The following MORN1 variants were observed in gnomAD, a reference collection of about 807,000 sequenced individuals.
MORN1 encodes MORN repeat-containing protein 1.
Under a neutral mutation model 61.9 loss-of-function variants are expected in MORN1, and 67 were observed. The observed-to-expected ratio is 1.08, with a 90% CI of 0.89 to 1.33. MORN1 has a LOEUF of 1.33. MORN1 is among the 40% of genes most tolerant of loss of function. MORN1 has a pLI of 0.00. For synonymous variants in MORN1, 301 were observed against 292.0 expected (o/e 1.03, Z -0.31); for missense variants, 752 against 691.2 (o/e 1.09, Z -0.99).
chr1:2,389,229 G>A (rs1299408346), intron 2 of MORN1, among the ~76,000 whole-genome samples: 2 of 152,226 alleles, frequency 1.3e-5, no homozygotes, highest in Non-Finnish European at 2.9e-5. Context: ...GCACTTGCCT[G>A]GGGTTGGTGG....
At chr1:2,346,511 G>A (rs1641518652) in intron 10 of MORN1, among the ~76,000 whole-genome samples, 1 of 152,154 alleles carries the variant, frequency 6.6e-6, no homozygotes, top group South Asian at 2.1e-4. Flanking sequence ...TCAGCCTCCT[G>A]AGTAGCTGGG....
chr1:2,348,665 A>AGGCACGCACACACACGCACGCG, intron 10 of MORN1, among the ~76,000 whole-genome samples: 1 of 136,752 alleles, frequency 7.3e-6, no homozygotes, highest in African/African-American at 2.5e-5. Context: ...ACACGCACGC[A>AGGCACGCACACACACGCACGCG]CACGCACACC....
At chr1:2,364,557 T>C (rs1281049140) in intron 8 of MORN1, among the ~76,000 whole-genome samples, 1 of 150,288 alleles carries the variant, frequency 6.7e-6, no homozygotes, top group East Asian at 1.9e-4. Flanking sequence ...AGAAGCTCTT[T>C]AGTTTAATTA....
chr1:2,340,583 A>T (rs1303030884), intron 10 of MORN1, among the ~76,000 whole-genome samples: 1 of 152,144 alleles, frequency 6.6e-6, no homozygotes, highest in Non-Finnish European at 1.5e-5. Flanking sequence ...GGCCTCCAGC[A>T]CCCCTGGTCC....
At chr1:2,361,712 T>C (rs1206798075) in intron 8 of MORN1, among the ~76,000 whole-genome samples, 4 of 152,214 alleles carry the variant, frequency 2.6e-5, no homozygotes, top group Admixed American at 2.6e-4. Context: ...GAAATGCAGT[T>C]GACCCTTGGC....
At chr1:2,336,260 T>C (rs1453312608) in intron 12 of MORN1, among the ~76,000 whole-genome samples, 1 of 152,148 alleles carries the variant, frequency 6.6e-6, no homozygotes, top group Admixed American at 6.5e-5. Flanking sequence ...ACCCACTTCA[T>C]GCCAGCCCAG....
intron 8 of MORN1, among the ~76,000 whole-genome samples, chr1:2,370,688 T>C (rs200388687): frequency 1.7e-5 from 2 of 115,916 alleles, no homozygotes; most frequent in African/African-American, 6.5e-5. Context: ...TTTTTTTTTT[T>C]TAAATGAGAC....
At chr1:2,365,771 A>C (rs576150834) in intron 8 of MORN1, among the ~76,000 whole-genome samples, 5 of 152,334 alleles carry the variant, frequency 3.3e-5, no homozygotes, top group African/African-American at 1.2e-4. Flanking sequence ...TCAAAACCAC[A>C]ATGAGATACC....
At chr1:2,387,312 T>C (rs569226027) in intron 4 of MORN1, 107 bp downstream of exon 4, 13 of 829,860 alleles carry the variant, frequency 1.6e-5, no homozygotes, top group African/African-American at 1.3e-4. Context: ...TCCAACCCTC[T>C]GAAGTCAGGC....
chr1:2,385,551 G>GT (rs1642475438), intron 5 of MORN1: 1 of 205,460 alleles, frequency 4.9e-6, no homozygotes, highest in African/African-American at 2.8e-5. Context: ...ATTTTAATCG[G>GT]GGGGGGGGGG....
intron 8 of MORN1, among the ~76,000 whole-genome samples, chr1:2,369,355 G>GAGA (rs1642066718): frequency 1.2e-5 from 1 of 80,654 alleles, no homozygotes; most frequent in Admixed American, 1.4e-4. Context: ...CTCAGTCTCA[G>GAGA]AAAAAAAAAA....
Position 2,357,406 on chromosome 1 carries a change from C to T in MORN1, c.1036+26G>A, listed in dbSNP as rs766255634. On this transcript the variant is annotated intron_variant, in intron 10 of 13. Coordinates refer to ENST00000378531, the MANE Select transcript of MORN1 (RefSeq NM_024848.3). The surrounding 1 kb of genome is among the most constrained non-coding windows in gnomAD (Gnocchi z 6.3). ...CTGCTGGGCCTGGGCCCACCCACCC[C>T]CAACTGGTTTGTGAGCTCCACTTAC... 1.2e-5 allele frequency: 19 copies of T among 1,568,914 alleles called. No individual in the cohort carries two copies. The highest frequency in any genetic ancestry group is 1.6e-5 in the Non-Finnish European group (18 of 1,156,176).
Position 2,336,704 on chromosome 1 carries a change from C to A in MORN1, c.1170+13G>T. 1.9e-6 allele frequency: 3 copies of A among 1,547,516 alleles called. No homozygotes were observed. The highest frequency in any genetic ancestry group is 2.6e-6 in the Non-Finnish European group (3 of 1,144,356). ...GATGTGGGGTGGCCTCCCCGCCCCC[C>A]GTGGGCACCCACCTTGTGGAGGCTG... On this transcript the variant is annotated intron_variant, in intron 11 of 13. Coordinates refer to ENST00000378531, the MANE Select transcript of MORN1 (RefSeq NM_024848.3).
At chr1:2,373,423 C>A (rs1642164796) in intron 7 of MORN1, among the ~76,000 whole-genome samples, 1 of 152,238 alleles carries the variant, frequency 6.6e-6, no homozygotes, top group Non-Finnish European at 1.5e-5. Flanking sequence ...CGGGGTGAAG[C>A]CAGACTGCGT....
intron 12 of MORN1, among the ~76,000 whole-genome samples, chr1:2,330,000 G>A (rs1439187610): frequency 3.3e-5 from 5 of 152,174 alleles, no homozygotes; most frequent in African/African-American, 1.2e-4. Flanking sequence ...TCCGGGTGAG[G>A]GGGGACCCTG....
chr1:2,328,203 T>C (rs1641077356), intron 12 of MORN1, among the ~76,000 whole-genome samples: 1 of 152,262 alleles, frequency 6.6e-6, no homozygotes, highest in Non-Finnish European at 1.5e-5. Context: ...TGGTGTGCCT[T>C]GACCTGGGCA....
rs995237834 is a variant in MORN1, at chr1:2,322,752, G to A, written c.1298-1173C>T. On this transcript the variant is annotated intron_variant, in intron 13 of 13. Transcript: ENST00000378531. ...CCAGGAATCCAGCTATACCAGTGGTGGCCAAGGCGCTGGCCGGGGGGCCGA... is the reference window on the plus strand; with the variant it reads ...CCAGGAATCCAGCTATACCAGTGGTAGCCAAGGCGCTGGCCGGGGGGCCGA... 3 of 985,344 alleles carry A rather than the reference G, an allele frequency of 3.0e-6. No homozygotes were observed. In the Admixed American group the frequency reaches 1.8e-4, roughly 61 times the overall value. The allele number at this position is 985,344 out of a possible 1,614,324, so 61.0% of individuals were successfully genotyped here. A position where few individuals can be genotyped will look rare whatever the true frequency, so the allele number is the denominator to read the frequency against.
chr1:2,326,921 C>T (rs1230332980), intron 12 of MORN1, among the ~76,000 whole-genome samples: 3 of 152,248 alleles, frequency 2.0e-5, no homozygotes, highest in Non-Finnish European at 4.4e-5. Context: ...TGTGGCTGTT[C>T]TGCAGCGCTG....
At chr1:2,370,786 T>C (rs1642101667) in intron 8 of MORN1, among the ~76,000 whole-genome samples, 2 of 151,350 alleles carry the variant, frequency 1.3e-5, no homozygotes, top group Non-Finnish European at 2.9e-5. Flanking sequence ...CAAGGGACTC[T>C]CCCAATTTCA....
Sources: allele counts gnomAD v4.1 joint callset (sites outside exome capture counted in the v4.1 genomes callset), GRCh38; gene constraint gnomAD v4.1.1; non-coding constraint Gnocchi (gnomAD v3.1); transcripts MANE v1.5; gene names NCBI Gene and HGNC (gene_info 2026-07-23, HGNC 2026-07-21).